The following LMNTD1 variants were observed in gnomAD, a reference collection of about 807,000 sequenced individuals.
The protein encoded by LMNTD1 is lamin tail domain containing 1.
In LMNTD1, 35 loss-of-function variants were observed where a neutral mutation model predicts 50.9. That is an observed-to-expected ratio of 0.69 (90% confidence interval 0.53 to 0.91). The LOEUF (loss-of-function observed/expected upper bound fraction) is 0.91, where lower values mean the gene tolerates loss of function less well. Among genes scored for constraint, LMNTD1 ranks in the 40% least tolerant of loss-of-function variants. The pLI, the probability that LMNTD1 is intolerant of heterozygous loss-of-function variation, is 0.00. For missense variants in LMNTD1, 470 were observed against 475.5 expected, an observed-to-expected ratio of 0.99 and a Z score of 0.11; for synonymous variants, 153 against 161.9, an observed-to-expected ratio of 0.94 and a Z score of 0.42.
chr12:25,550,623 A>G (rs1045962149), intron 2 of LMNTD1, among the ~76,000 whole-genome samples: 2 of 152,044 alleles, frequency 1.3e-5, no homozygotes, highest in African/African-American at 2.4e-5. Flanking sequence ...ATGTTAGCCA[A>G]CCTCTCCTTG....
chr12:25,497,121 T>C (rs570052993), intron 9 of LMNTD1, among the ~76,000 whole-genome samples: 1 of 152,176 alleles, frequency 6.6e-6, no homozygotes, highest in South Asian at 2.1e-4. Flanking sequence ...TGAACACGTG[T>C]TGTTTCTATT....
In LMNTD1 at chr12:25,635,831, A is replaced by T. The variant is rs565571031; in HGVS notation, c.58+12663T>A. 3.3e-5 allele frequency among the ~76,000 whole-genome samples: 5 copies of T among 151,552 alleles called. No homozygotes were observed. In the East Asian group the frequency reaches 9.7e-4, roughly 29 times the overall value. On this transcript the variant is annotated intron_variant, in intron 1 of 7. Coordinates refer to the LMNTD1 transcript ENST00000445693. ...GAATAGAAAACTGAAATAAACCCAC[A>T]TACTTACAGGCAACTGATCTTCAGC...
At chr12:25,535,333 A>G (rs1045231722) in intron 4 of LMNTD1, among the ~76,000 whole-genome samples, 20 of 152,294 alleles carry the variant, frequency 1.3e-4, no homozygotes, top group Admixed American at 5.9e-4. Context: ...TACAACTTCA[A>G]GTGGCCTAAT....
chr12:25,494,337 T>C (rs916167821), intron 9 of LMNTD1, among the ~76,000 whole-genome samples: 1 of 151,352 alleles, frequency 6.6e-6, no homozygotes, highest in African/African-American at 2.4e-5. Context: ...ATAATCCCGA[T>C]ACATACATAA....
intron 9 of LMNTD1, among the ~76,000 whole-genome samples, chr12:25,490,920 C>G (rs1168105463): frequency 6.6e-6 from 1 of 152,176 alleles, no homozygotes; most frequent in Non-Finnish European, 1.5e-5. Context: ...GCTGTAAGGA[C>G]TAGTCTTTGA....
chr12:25,638,735 G>A (rs972583076), intron 1 of LMNTD1, among the ~76,000 whole-genome samples: 10 of 152,076 alleles, frequency 6.6e-5, no homozygotes, highest in African/African-American at 2.4e-4. Flanking sequence ...ACATAACATT[G>A]TTAAGATGGC....
At chr12:25,542,112 A>G (rs1207004140) in intron 4 of LMNTD1, among the ~76,000 whole-genome samples, 2 of 150,400 alleles carry the variant, frequency 1.3e-5, no homozygotes, top group African/African-American at 4.8e-5. Context: ...GAACACTTTT[A>G]CACTGTTGGT....
intron 7 of LMNTD1, 42 bp downstream of exon 7, chr12:25,519,816 T>G: frequency 7.6e-7 from 1 of 1,312,038 alleles, no homozygotes; most frequent in Non-Finnish European, 1.1e-6. Flanking sequence ...TTACTAATTG[T>G]GGGAAGGACC....
At chr12:25,606,193 G>T (rs967088243) in intron 1 of LMNTD1, among the ~76,000 whole-genome samples, 2 of 152,190 alleles carry the variant, frequency 1.3e-5, no homozygotes, top group African/African-American at 4.8e-5. Context: ...TGTATCCTGA[G>T]ACTTTGCTGA....
chr12:25,625,479 A>G (rs11836599), intron 1 of LMNTD1, among the ~76,000 whole-genome samples: 2,761 of 152,152 alleles, frequency 0.018, 81 homozygotes, highest in African/African-American at 0.063. Context: ...CTATGTTTCT[A>G]TATCTATGAT....
In LMNTD1 at chr12:25,527,051, C is replaced by G. The variant is rs1941774207; in HGVS notation, c.492-96G>C. On this transcript the variant is annotated intron_variant, in intron 4 of 9. Coordinates refer to ENST00000458174, the MANE Select transcript of LMNTD1 (RefSeq NM_001145728.2). ...ATTAATAAACTGCTTGAAAGTTGTT[C>G]TTAAACTGTATATTCTATTGGGCAA... The G allele has an allele frequency of 4.8e-6, 4 of 824,848 alleles. No individual in the cohort carries two copies. The East Asian group carries it at 1.1e-4, about 22-fold the overall frequency. 51.1% of individuals were successfully genotyped at this position (824,848 alleles called of 1,614,324 possible).
intron 6 of LMNTD1, 40 bp downstream of exon 6, chr12:25,526,058 AT>A: frequency 4.0e-6 from 6 of 1,490,382 alleles, no homozygotes; most frequent in South Asian, 1.4e-5. Flanking sequence ...TAAGCACAAT[AT>A]TTAAAAAAAA....
At chr12:25,601,657 AAAAC>A (rs1262169962) in intron 1 of LMNTD1, among the ~76,000 whole-genome samples, 3 of 151,966 alleles carry the variant, frequency 2.0e-5, no homozygotes, top group African/African-American at 7.2e-5. Flanking sequence ...ATTCCATTCT[AAAAC>A]AAAGCTAATG....
chr12:25,634,000 A>G (rs1946771708), intron 1 of LMNTD1, among the ~76,000 whole-genome samples: 3 of 152,226 alleles, frequency 2.0e-5, no homozygotes. Context: ...AATGGGGGAT[A>G]TTACAACTGA....
At chr12:25,506,538 C>T (rs918140118) in intron 8 of LMNTD1, among the ~76,000 whole-genome samples, 7 of 151,878 alleles carry the variant, frequency 4.6e-5, no homozygotes, top group East Asian at 3.9e-4. Flanking sequence ...GCAAAATTGT[C>T]GATAATCTAC....
At chr12:25,593,384 G>A (rs947538973) in intron 1 of LMNTD1, among the ~76,000 whole-genome samples, 1 of 152,186 alleles carries the variant, frequency 6.6e-6, no homozygotes, top group Non-Finnish European at 1.5e-5. Context: ...TACATCACAG[G>A]ACTCTCTGCA....
chr12:25,587,893 T>A (rs80292827), intron 1 of LMNTD1, among the ~76,000 whole-genome samples: 1,786 of 152,266 alleles, frequency 0.012, 27 homozygotes, highest in African/African-American at 0.033. Flanking sequence ...GTACATTTTT[T>A]AAAAAAATTA....
At chr12:25,559,016 T>G (rs1459414985) in intron 1 of LMNTD1, among the ~76,000 whole-genome samples, 1 of 151,928 alleles carries the variant, frequency 6.6e-6, no homozygotes, top group Non-Finnish European at 1.5e-5. Context: ...ATCCCCCAAT[T>G]TTATTTAATC....
At chr12:25,486,908 A>G (rs906265067) in intron 9 of LMNTD1, among the ~76,000 whole-genome samples, 1 of 152,070 alleles carries the variant, frequency 6.6e-6, no homozygotes, top group African/African-American at 2.4e-5. Context: ...TCATTTTGCC[A>G]GTATTTTATT....
Sources: gnomAD v4.1 joint callset for allele counts (sites outside exome capture counted in the v4.1 genomes callset) on GRCh38, gnomAD v4.1.1 for gene constraint, MANE v1.5 for transcripts, NCBI Gene and HGNC (gene_info 2026-07-23, HGNC 2026-07-21) for gene names.